GABRG3: variants seen among roughly 807,000 people sequenced by gnomAD.
GABRG3 encodes gamma-aminobutyric acid receptor subunit gamma-3.
In GABRG3, 25 loss-of-function variants were observed where a neutral mutation model predicts 48.8. The observed-to-expected ratio is 0.51, with a 90% CI of 0.37 to 0.72. GABRG3 has a LOEUF of 0.72. Among genes scored for constraint, GABRG3 ranks in the 30% least tolerant of loss-of-function variants. The probability of loss-of-function intolerance (pLI) is 0.00; values close to 1 mark genes in which losing one functional copy is unlikely to be tolerated. For synonymous variants in GABRG3, 227 were observed against 217.6 expected (o/e 1.04, Z -0.38); for missense variants, 394 against 577.9 (o/e 0.68, Z 3.26).
At chr15:27,167,032 A>G (rs1284587627) in intron 3 of GABRG3, among the ~76,000 whole-genome samples, 1 of 152,096 alleles carries the variant, frequency 6.6e-6, no homozygotes. Context: ...CTGAGTAAAT[A>G]CTTCTTTAGC....
At chr15:27,410,171 C>G (rs1248782143) in intron 5 of GABRG3, among the ~76,000 whole-genome samples, 1 of 152,110 alleles carries the variant, frequency 6.6e-6, no homozygotes, top group Non-Finnish European at 1.5e-5. Context: ...ATGATAAGAT[C>G]ATGTTAGTTT....
At chr15:27,306,731 A>G (rs1892509368) in intron 3 of GABRG3, among the ~76,000 whole-genome samples, 1 of 128,838 alleles carries the variant, frequency 7.8e-6, no homozygotes, top group Non-Finnish European at 1.6e-5. Context: ...ATGTTTATAT[A>G]TAAACATATA....
At chr15:27,423,921 A>C (rs1455801193) in intron 5 of GABRG3, among the ~76,000 whole-genome samples, 1 of 151,948 alleles carries the variant, frequency 6.6e-6, no homozygotes, top group African/African-American at 2.4e-5. Flanking sequence ...ATATGCAGTT[A>C]AGTGCCAAGT....
At chr15:27,388,615 G>C (rs1490288699) in intron 5 of GABRG3, among the ~76,000 whole-genome samples, 1 of 152,120 alleles carries the variant, frequency 6.6e-6, no homozygotes, top group African/African-American at 2.4e-5. Context: ...AAGAGCTGTG[G>C]GGTGCTGGGA....
At chr15:27,238,220 C>T (rs913699515) in intron 3 of GABRG3, among the ~76,000 whole-genome samples, 1 of 152,214 alleles carries the variant, frequency 6.6e-6, no homozygotes, top group Admixed American at 6.5e-5. Context: ...TGTATGCTTC[C>T]CTAGGAAGCA....
At chr15:27,381,218 G>A (rs911053999) in intron 5 of GABRG3, among the ~76,000 whole-genome samples, 2 of 152,150 alleles carry the variant, frequency 1.3e-5, no homozygotes, top group Non-Finnish European at 2.9e-5. Flanking sequence ...CTCCAACTTG[G>A]TTTGGCTCTG....
At chr15:27,479,761 A>T (rs1595782715) in intron 5 of GABRG3, among the ~76,000 whole-genome samples, 1 of 152,224 alleles carries the variant, frequency 6.6e-6, no homozygotes, top group East Asian at 1.9e-4. Context: ...CATAAGGCCT[A>T]GACCTGTTCT....
At chr15:27,199,802 G>A (rs1888621614) in intron 3 of GABRG3, among the ~76,000 whole-genome samples, 1 of 152,122 alleles carries the variant, frequency 6.6e-6, no homozygotes, top group South Asian at 2.1e-4. Flanking sequence ...TTATAGCAAT[G>A]CAAAATGGAC....
At chr15:27,313,244 G>GTATATATATACGTATATGTATATATATA (rs1893065299) in intron 3 of GABRG3, among the ~76,000 whole-genome samples, 1 of 52,934 alleles carries the variant, frequency 1.9e-5, no homozygotes, top group African/African-American at 7.9e-5. Flanking sequence ...GTATATATGT[G>GTATATATATACGTATATGTATATATATA]TGTGTGTGTG....
intron 5 of GABRG3, chr15:27,428,027 C>A (rs77971020): frequency 0.052 from 7,960 of 152,348 alleles, 268 homozygotes; most frequent in Middle Eastern, 0.11. Flanking sequence ...GATTACAGGC[C>A]CATGCCACCA....
chr15:27,175,810 A>G (rs769650743), intron 3 of GABRG3, among the ~76,000 whole-genome samples: 2 of 152,178 alleles, frequency 1.3e-5, no homozygotes, highest in African/African-American at 2.4e-5. Flanking sequence ...TGTTGCTTTA[A>G]ACATTCTAGT....
intron 5 of GABRG3, among the ~76,000 whole-genome samples, chr15:27,465,569 C>T (rs1889582280): frequency 6.6e-6 from 1 of 152,172 alleles, no homozygotes; most frequent in Non-Finnish European, 1.5e-5. Context: ...TTTGAAAGGC[C>T]AGATGATTTC....
chr15:27,497,825 C>G (rs1293575648), intron 6 of GABRG3, among the ~76,000 whole-genome samples: 1 of 152,076 alleles, frequency 6.6e-6, no homozygotes, highest in Non-Finnish European at 1.5e-5. Flanking sequence ...CCATTTTCCC[C>G]TGTGTGTGCT....
At chr15:27,043,010 C>T (rs543985062) in intron 3 of GABRG3, among the ~76,000 whole-genome samples, 5 of 152,228 alleles carry the variant, frequency 3.3e-5, no homozygotes, top group Non-Finnish European at 4.4e-5. Context: ...ACGGGCTCCG[C>T]GTCCAGCCCT....
intron 5 of GABRG3, among the ~76,000 whole-genome samples, chr15:27,378,504 G>T (rs1438229336): frequency 1.3e-5 from 2 of 152,164 alleles, no homozygotes; most frequent in African/African-American, 4.8e-5. Flanking sequence ...GAATAAATCG[G>T]ATTTGAGTAA....
At chr15:27,500,071 A>G (rs1890582257) in intron 6 of GABRG3, among the ~76,000 whole-genome samples, 1 of 152,158 alleles carries the variant, frequency 6.6e-6, no homozygotes, top group Admixed American at 6.5e-5. Context: ...AAGCAAGCTC[A>G]TTTCTCTCTG....
intron 3 of GABRG3, among the ~76,000 whole-genome samples, chr15:27,272,432 GTCA>G (rs1293412022): frequency 6.6e-6 from 1 of 152,154 alleles, no homozygotes; most frequent in Non-Finnish European, 1.5e-5. Context: ...GCTTTATGTT[GTCA>G]TTGATCTTAG....
chr15:27,464,842 A>G (rs540070930), intron 5 of GABRG3, among the ~76,000 whole-genome samples: 1 of 152,312 alleles, frequency 6.6e-6, no homozygotes, highest in East Asian at 1.9e-4. Context: ...AGTTCTTCAT[A>G]TATTCTGGGT....
chr15:26,987,201 T>G (rs1191309615), intron 2 of GABRG3, among the ~76,000 whole-genome samples: 1 of 150,502 alleles, frequency 6.6e-6, no homozygotes, highest in South Asian at 2.1e-4. Context: ...GAGCTTGCAG[T>G]GAGCCGAGAT....
Sources: gnomAD v4.1 joint callset for allele counts (sites outside exome capture counted in the v4.1 genomes callset) on GRCh38, gnomAD v4.1.1 for gene constraint, MANE v1.5 for transcripts, NCBI Gene and HGNC (gene_info 2026-07-23, HGNC 2026-07-21) for gene names.